ZNF766: variants seen among roughly 807,000 people sequenced by gnomAD.
ZNF766 encodes the protein zinc finger protein 766.
In ZNF766, 13 loss-of-function variants were observed where a neutral mutation model predicts 13.2. The ratio of observed to expected loss-of-function variants is 0.98; its 90% CI spans 0.64 to 1.56. ZNF766 has a LOEUF of 1.56. Ranked by LOEUF, ZNF766 falls within the 40% of genes most tolerant of loss-of-function variation. The probability of loss-of-function intolerance (pLI) is 0.00; values close to 1 mark genes in which losing one functional copy is unlikely to be tolerated. For missense variants in ZNF766, 521 were observed against 552.2 expected (o/e 0.94, Z 0.57); for synonymous variants, 178 against 187.6 (o/e 0.95, Z 0.42).
In ZNF766 at chr19:52,292,833, A is replaced by C. The variant is rs1018939823; in HGVS notation, c.*1635A>C. ...GGATTTTTAAATTAATTTATTTTTA[A>C]AATTAAAGTTCTAGTGTACATGTCC... is the stretch of plus-strand genomic sequence containing the variant. On this transcript the variant is annotated 3_prime_UTR_variant, in exon 4 of 4. Transcript: ENST00000439461. 6.6e-6 allele frequency: 1 copy of C among 152,198 alleles called. No homozygotes were observed. Among genetic ancestry groups the C allele is most frequent in the African/African-American group, 2.4e-5 (1 of 41,440 alleles). 9.4% of individuals were successfully genotyped at this position (152,198 alleles called of 1,614,324 possible). A position where few individuals can be genotyped will look rare whatever the true frequency, so the allele number is the denominator to read the frequency against.
In ZNF766 at chr19:52,283,408, A is replaced by T; in HGVS notation, c.269A>T (p.Asn90Ile). Residue 90 changes from asparagine to isoleucine, a missense_variant, in exon 3 of 4, where the codon AAC becomes ATC. Asn to Ile is a moderately radical substitution (Grantham distance 149). Transcript: ENST00000439461. ...PDRWEGIKDI[N>I]TGRSCAVRSK... ...AGGTGGGAAGGTATCAAAGATATCA[A>T]CACAGGTAAGAGCTCAGATGGACAG... is the stretch of plus-strand genomic sequence containing the variant. 6.3e-7 allele frequency: 1 copy of T among 1,593,356 alleles called. No individual in the cohort carries two copies. Among genetic ancestry groups the T allele is most frequent in the South Asian group, 1.1e-5 (1 of 88,982 alleles).
chr19:52,280,872 T>C (rs1410281126), intron 1 of ZNF766, among the ~76,000 whole-genome samples: 1 of 149,518 alleles, frequency 6.7e-6, no homozygotes, highest in Non-Finnish European at 1.5e-5. Flanking sequence ...GAGCCAACAC[T>C]TTTGGCCGTG....
chr19:52,280,109 TA>T (rs1981423053), intron 1 of ZNF766, among the ~76,000 whole-genome samples: 1 of 152,186 alleles, frequency 6.6e-6, no homozygotes, highest in African/African-American at 2.4e-5. Flanking sequence ...CTACTTTTTT[TA>T]AATAGCTTAA....
At chr19:52,277,843 G>A (rs1017397727) in intron 1 of ZNF766, among the ~76,000 whole-genome samples, 4 of 152,122 alleles carry the variant, frequency 2.6e-5, no homozygotes, top group Admixed American at 6.5e-5. Flanking sequence ...GATTGTTCAG[G>A]GGCCACATCT....
Position 52,290,409 on chromosome 19 carries a change from A to C in ZNF766, c.618A>C (p.Gln206His). ...TGTCTTCAAGCCTTCCTAATCATCA[A>C]GTAATCCACACTGCAGATAAACCTA... is the stretch of plus-strand genomic sequence containing the variant. ...FRVSSSLPNHQVIHTADKPNR... is the reference protein window; with the variant it reads ...FRVSSSLPNHHVIHTADKPNR... The change falls in exon 4 of 4, where the codon CAA (glutamine) becomes CAC (histidine). Residue 206 changes from glutamine (Q) to histidine (H), a missense_variant. By Grantham distance (24) the Gln-to-His change is conservative. Transcript: ENST00000439461. 6.2e-7 allele frequency: 1 copy of C among 1,613,932 alleles called. No individual in the cohort carries two copies. The highest frequency in any genetic ancestry group is 8.5e-7 in the Non-Finnish European group (1 of 1,180,024).
rs866342829 is a variant in ZNF766 at position 52,289,772 on chromosome 19, G to A, written c.275-294G>A. On this transcript the variant is annotated intron_variant, in intron 3 of 3. Coordinates refer to ENST00000439461, the MANE Select transcript of ZNF766 (RefSeq NM_001010851.3). ...TCCCAGCACTTTGGGAGGCCACGGC[G>A]GGCGGATCACGAGGTCAGGAGATCG... Among the ~76,000 whole-genome samples, 113 of 152,144 alleles carry A rather than the reference G, an allele frequency of 7.4e-4. 1 individual carries two copies. The highest frequency in any genetic ancestry group is 1.3e-3 in the Non-Finnish European group (86 of 68,012).
At chr19:52,284,608 G>A (rs1461417083) in intron 3 of ZNF766, among the ~76,000 whole-genome samples, 1 of 152,066 alleles carries the variant, frequency 6.6e-6, no homozygotes, top group African/African-American at 2.4e-5. Flanking sequence ...ACCTGAGTTA[G>A]AGTCGCGTCC....
At chr19:52,288,087 C>A in intron 3 of ZNF766, 2 of 366,146 alleles carry the variant, frequency 5.5e-6, no homozygotes, top group Non-Finnish European at 1.0e-5. Context: ...GTGGTGTGAT[C>A]TCGGCTCACT....
In ZNF766 at chr19:52,282,321, A is replaced by G. The variant is rs919309839; in HGVS notation, c.145+84A>G. 4.1e-6 allele frequency: 6 copies of G among 1,461,878 alleles called. No individual in the cohort carries two copies. In the African/African-American group the frequency reaches 5.7e-5, roughly 14 times the overall value. 90.6% of individuals were successfully genotyped at this position (1,461,878 alleles called of 1,614,324 possible). On this transcript the variant is annotated intron_variant, in intron 2 of 3. Coordinates refer to ENST00000439461, the MANE Select transcript of ZNF766 (RefSeq NM_001010851.3). ...TTGTGTGCCTCTTGGGAGCCCCTGC[A>G]TTGCTTGACTGAGATTGAAACCCTG...
chr19:52,277,850 A>G (rs1860659511), intron 1 of ZNF766, among the ~76,000 whole-genome samples: 1 of 152,076 alleles, frequency 6.6e-6, no homozygotes, highest in Admixed American at 6.5e-5. Context: ...CAGGGGCCAC[A>G]TCTGGATGCT....
chr19:52,277,972 CTTTTT>C (rs375658066), intron 1 of ZNF766, among the ~76,000 whole-genome samples: 1 of 135,712 alleles, frequency 7.4e-6, no homozygotes, highest in African/African-American at 2.8e-5. Context: ...TCTTTTCTGC[CTTTTT>C]TTTTTTTTTT....
At position 52,295,993 on chromosome 19, in the gene ZNF766, C is replaced by A. The variant is rs1360165601; in HGVS notation, c.*4795C>A. The A allele has an allele frequency of 6.6e-6, 1 of 151,988 alleles. No homozygotes were observed. The highest frequency in any genetic ancestry group is 1.5e-5 in the Non-Finnish European group (1 of 68,014). The allele number at this position is 151,988 out of a possible 1,614,324, so 9.4% of individuals were successfully genotyped here. A position where few individuals can be genotyped will look rare whatever the true frequency, so the allele number is the denominator to read the frequency against. On this transcript the variant is annotated 3_prime_UTR_variant, in exon 4 of 4. Coordinates refer to ENST00000439461, the MANE Select transcript of ZNF766 (RefSeq NM_001010851.3). ...CCTGTGTATCAATTTGGGGTAATTT[C>A]ACATTTTTTTCTATGTTGAGTTTAT...
At position 52,290,989 on chromosome 19, in the gene ZNF766, C is replaced by A. The variant is rs370725771; in HGVS notation, c.1198C>A (p.Arg400=). 6.2e-7 allele frequency: 1 copy of A among 1,613,754 alleles called. No homozygotes were observed. The highest frequency in any genetic ancestry group is 1.1e-5 in the South Asian group (1 of 91,054). ...KVFTQVSHLA[R]HQKIHTGEKP... ...CTTCACTCAAGTTTCACATCTTGCA[C>A]GACATCAGAAAATTCACACTGGAGA... Residue 400 remains arginine, a synonymous_variant, in exon 4 of 4, where the codon CGA becomes AGA. Coordinates refer to ENST00000439461, the MANE Select transcript of ZNF766 (RefSeq NM_001010851.3).
intron 3 of ZNF766, among the ~76,000 whole-genome samples, chr19:52,286,951 T>A (rs62110413): frequency 4.6e-5 from 7 of 151,676 alleles, no homozygotes; most frequent in African/African-American, 1.7e-4. Context: ...TTCTCCTCCC[T>A]CAGCCTCCCA....
intron 1 of ZNF766, chr19:52,281,759 C>T (rs760045607): frequency 2.1e-6 from 1 of 481,436 alleles, no homozygotes; most frequent in South Asian, 1.5e-5. Flanking sequence ...AAAATTAACC[C>T]ACAATTCTAT....
Position 52,294,261 on chromosome 19 carries a change from CA to C in ZNF766, c.*3064del, listed in dbSNP as rs1450309015. ...AGAAATGTTCTCTTGAGGATGAACA[CA>C]CAGATTGGGAATTTCGTTTTGCTTT... is the stretch of plus-strand genomic sequence containing the variant. On this transcript the variant is annotated 3_prime_UTR_variant, in exon 4 of 4. Transcript: ENST00000439461. 3.9e-4 allele frequency: 60 copies of C among 152,242 alleles called. 1 individual carries two copies. Among genetic ancestry groups the C allele is most frequent in the African/African-American group, 1.4e-3 (58 of 41,536 alleles). 9.4% of individuals were successfully genotyped at this position (152,242 alleles called of 1,614,324 possible).
chr19:52,281,103 C>T (rs1431391843), intron 1 of ZNF766, among the ~76,000 whole-genome samples: 2 of 150,144 alleles, frequency 1.3e-5, no homozygotes, highest in Admixed American at 6.6e-5. Context: ...TGTGGTGAAC[C>T]GAGATCGCAC....
At chr19:52,284,932 C>A in intron 3 of ZNF766, 1 of 152,204 alleles carries the variant, frequency 6.6e-6, no homozygotes. Context: ...TGGAAGCTCT[C>A]AGGAACTTTT....
In ZNF766 at chr19:52,290,787, T is replaced by C. The variant is rs372957248; in HGVS notation, c.996T>C (p.Cys332=). Residue 332 remains cysteine (C), a synonymous_variant, in exon 4 of 4, where the codon TGT becomes TGC. Transcript: ENST00000439461. ...AGAAACTTTACAAATGTAATAAATG[T>C]GGCAAAGAATTTAGTGGGCATTCAA... ...TGEKLYKCNK[C]GKEFSGHSSL... 5 of 1,613,746 alleles carry C rather than the reference T, an allele frequency of 3.1e-6. No individual in the cohort carries two copies. The African/African-American group carries it at 6.7e-5, about 22-fold the overall frequency.
Sources: gnomAD v4.1 joint callset for allele counts (sites outside exome capture counted in the v4.1 genomes callset) on GRCh38, gnomAD v4.1.1 for gene constraint, MANE v1.5 for transcripts, NCBI Gene and HGNC (gene_info 2026-07-23, HGNC 2026-07-21) for gene names.